Variants in WWOX observed in about 807,000 individuals in gnomAD.
WWOX encodes WW domain-containing oxidoreductase.
WWOX carries 69 observed loss-of-function variants against 46.2 expected under a neutral mutation model. That is an observed-to-expected ratio of 1.49 (90% confidence interval 1.23 to 1.82). WWOX has a LOEUF of 1.82. Ranked by LOEUF, WWOX falls within the 40% of genes most tolerant of loss-of-function variation. WWOX has a pLI of 0.00. For missense variants in WWOX, 919 were observed against 542.6 expected (o/e 1.69, Z -6.89); for synonymous variants, 359 against 202.6 (o/e 1.77, Z -6.56).
intron 8 of WWOX, among the ~76,000 whole-genome samples, chr16:79,045,088 A>AT (rs1231438081): frequency 1.3e-5 from 2 of 152,164 alleles, no homozygotes; most frequent in East Asian, 3.9e-4. Context: ...CAAATGTTAG[A>AT]TTTTGCCTCA....
intron 8 of WWOX, among the ~76,000 whole-genome samples, chr16:78,995,368 C>T (rs1401246905): frequency 6.6e-6 from 1 of 152,072 alleles, no homozygotes; most frequent in South Asian, 2.1e-4. Context: ...TGCCTGTGGA[C>T]TGCGTTCTTT....
chr16:78,113,893 C>G (rs1319892694), intron 3 of WWOX, among the ~76,000 whole-genome samples: 2 of 151,952 alleles, frequency 1.3e-5, no homozygotes, highest in Non-Finnish European at 2.9e-5. Flanking sequence ...AGTCTTGGTA[C>G]TTATAGGGAG....
chr16:78,495,221 A>G (rs1312879088), intron 8 of WWOX, among the ~76,000 whole-genome samples: 3 of 141,764 alleles, frequency 2.1e-5, no homozygotes, highest in Non-Finnish European at 4.5e-5. Context: ...GCTCACTGCA[A>G]CTTTTGCCTC....
intron 8 of WWOX, among the ~76,000 whole-genome samples, chr16:78,477,128 A>T (rs180725434): frequency 2.5e-4 from 38 of 152,344 alleles, no homozygotes. Context: ...TAGATATTCC[A>T]TAGCACGTCT....
intron 8 of WWOX, among the ~76,000 whole-genome samples, chr16:79,074,657 G>A (rs559194108): frequency 2.6e-5 from 4 of 151,770 alleles, no homozygotes; most frequent in African/African-American, 4.8e-5. Flanking sequence ...ATGAGGTAAT[G>A]TTTGTAAAGA....
At chr16:78,474,726 C>T in intron 8 of WWOX, among the ~76,000 whole-genome samples, 1 of 152,092 alleles carries the variant, frequency 6.6e-6, no homozygotes, top group East Asian at 1.9e-4. Context: ...TTTTTACCTC[C>T]CATTCTCCAC....
chr16:78,110,028 G>T (rs1276373996), intron 3 of WWOX, among the ~76,000 whole-genome samples, 193 bp downstream of exon 3: 1 of 151,034 alleles, frequency 6.6e-6, no homozygotes, highest in Non-Finnish European at 1.5e-5. Flanking sequence ...TATTTTCCCC[G>T]CACACGCATC....
At chr16:78,696,889 C>G (rs1271172523) in intron 8 of WWOX, among the ~76,000 whole-genome samples, 2 of 152,120 alleles carry the variant, frequency 1.3e-5, no homozygotes, top group Non-Finnish European at 2.9e-5. Flanking sequence ...AGCTTAGCTC[C>G]CACTTATAAG....
At position 78,897,254 on chromosome 16, in the gene WWOX, A is replaced by AAAC. The variant is rs1026588571; in HGVS notation, c.1057-314352_1057-314351insCAA. On this transcript the variant is annotated intron_variant, in intron 8 of 8. Coordinates refer to ENST00000566780, the MANE Select transcript of WWOX (RefSeq NM_016373.4). ...GAGACTGTCTTTAAAAAAAAAAAAA[A>AAAC]AAAAAAAAAAAACCAAAAAAACAAA... 41 of 146,488 alleles carry AAAC rather than the reference A, an allele frequency of 2.8e-4. 1 individual carries two copies. In the East Asian group the frequency reaches 7.0e-3, roughly 25 times the overall value. The allele number at this position is 146,488 out of a possible 1,614,324, so 9.1% of individuals were successfully genotyped here.
chr16:78,225,957 T>C (rs955233857), intron 5 of WWOX, among the ~76,000 whole-genome samples: 5 of 152,236 alleles, frequency 3.3e-5, no homozygotes, highest in African/African-American at 1.2e-4. Context: ...AAAATAGTTC[T>C]AGTACTAATT....
chr16:78,555,072 G>A (rs942510392), intron 8 of WWOX, among the ~76,000 whole-genome samples: 1 of 151,878 alleles, frequency 6.6e-6, no homozygotes, highest in African/African-American at 2.4e-5. Flanking sequence ...GTGGGGGCCA[G>A]GGTGGGTTTG....
At chr16:78,862,959 G>GTTTTTTTTTT (rs35529711) in intron 8 of WWOX, among the ~76,000 whole-genome samples, 1 of 133,638 alleles carries the variant, frequency 7.5e-6, no homozygotes, top group Non-Finnish European at 1.6e-5. Flanking sequence ...GTTATGCCAA[G>GTTTTTTTTTT]TTTTTTTTTT....
intron 5 of WWOX, among the ~76,000 whole-genome samples, chr16:78,285,414 C>G (rs1050493254): frequency 4.0e-5 from 6 of 151,754 alleles, no homozygotes; most frequent in Admixed American, 2.6e-4. Context: ...AGCTGGGTAA[C>G]AGAGTGAGAC....
At chr16:78,508,380 C>T (rs1005778562) in intron 8 of WWOX, among the ~76,000 whole-genome samples, 5 of 133,018 alleles carry the variant, frequency 3.8e-5, no homozygotes, top group South Asian at 2.5e-4. Context: ...GTAGTTTATG[C>T]GTGGCCGAAG....
chr16:78,346,429 C>CA (rs35663669), intron 5 of WWOX, among the ~76,000 whole-genome samples: 54,538 of 117,174 alleles, frequency 0.47, 20,633 homozygotes, highest in African/African-American at 0.6. Flanking sequence ...GTGGAATGGG[C>CA]AGGGTGGTCC....
Position 78,422,784 on chromosome 16 carries a change from T to C in WWOX, c.606-2086T>C, listed in dbSNP as rs200231876. On this transcript the variant is annotated intron_variant, in intron 6 of 8. Transcript: ENST00000566780. ...ACATATATATACACACATATATATA[T>C]ACACACACACATATATATACACACA... 1.2e-4 allele frequency among the ~76,000 whole-genome samples: 13 copies of C among 107,286 alleles called. 1 individual carries two copies. Among genetic ancestry groups the C allele is most frequent in the Admixed American group, 4.4e-4 (5 of 11,320 alleles). The allele number at this position is 107,286 out of a possible 152,430, so 70.4% of individuals were successfully genotyped here.
intron 8 of WWOX, among the ~76,000 whole-genome samples, chr16:78,721,796 C>T (rs1449972062): frequency 6.6e-6 from 1 of 152,150 alleles, no homozygotes; most frequent in Admixed American, 6.5e-5. Flanking sequence ...CCGAAGATAC[C>T]CCCGACTTCC....
intron 8 of WWOX, among the ~76,000 whole-genome samples, chr16:78,713,541 G>A (rs899235663): frequency 6.6e-6 from 1 of 152,094 alleles, no homozygotes; most frequent in Non-Finnish European, 1.5e-5. Context: ...AAATGAGGTT[G>A]CTTGGATGGT....
chr16:78,623,483 C>A (rs977698395), intron 8 of WWOX, among the ~76,000 whole-genome samples: 8 of 152,124 alleles, frequency 5.3e-5, no homozygotes, highest in Non-Finnish European at 1.0e-4. Context: ...AGTTCGAGAC[C>A]AGCCTGGGCA....
Sources: allele counts gnomAD v4.1 joint callset (sites outside exome capture counted in the v4.1 genomes callset), GRCh38; gene constraint gnomAD v4.1.1; transcripts MANE v1.5; gene names NCBI Gene and HGNC (gene_info 2026-07-23, HGNC 2026-07-21).